Variants in CRACDL observed in about 807,000 individuals in gnomAD.
The protein encoded by CRACDL is CRACD like, also known as CRACD-like protein.
CRACDL carries 26 observed loss-of-function variants against 70.6 expected under a neutral mutation model. The ratio of observed to expected loss-of-function variants is 0.37; its 90% CI spans 0.27 to 0.51. The LOEUF (loss-of-function observed/expected upper bound fraction) is 0.51. CRACDL is among the 20% of genes least tolerant of loss of function. The pLI is 0.94. For synonymous variants in CRACDL, 618 were observed against 615.2 expected (o/e 1.00, Z -0.07); for missense variants, 1,283 against 1,376.9 (o/e 0.93, Z 1.08).
Position 98,802,998 on chromosome 2 carries a change from C to CTTT in CRACDL, c.2417-5464_2417-5462dup, listed in dbSNP as rs34784675. Among the ~76,000 whole-genome samples the CTTT allele has an allele frequency of 3.8e-3, 491 of 128,230 alleles. 8 individuals carry two copies. Among genetic ancestry groups the CTTT allele is most frequent in the African/African-American group, 0.014 (469 of 34,058 alleles). The allele number at this position is 128,230 out of a possible 152,430, so 84.1% of individuals were successfully genotyped here. A position where few individuals can be genotyped will look rare whatever the true frequency, so the allele number is the denominator to read the frequency against. On this transcript the variant is annotated intron_variant, in intron 7 of 9. Transcript: ENST00000397899. Reference sequence around the variant, plus strand: ...TTATGGGTGTGAGCCACATGCCTGGCTTTTTTTTTTTTTTTTTTTGAGATG... The same window carrying CTTT: ...TTATGGGTGTGAGCCACATGCCTGGCTTTTTTTTTTTTTTTTTTTTTTGAGATG...
At chr2:98,799,512 G>A (rs1334381676) in intron 7 of CRACDL, among the ~76,000 whole-genome samples, 2 of 152,114 alleles carry the variant, frequency 1.3e-5, no homozygotes, top group African/African-American at 4.8e-5. Flanking sequence ...TGGGAATCCT[G>A]CTGCACCTCT....
chr2:98,862,199 C>G (rs946969111), intron 1 of CRACDL, among the ~76,000 whole-genome samples: 2 of 152,162 alleles, frequency 1.3e-5, no homozygotes, highest in African/African-American at 4.8e-5. Context: ...CAGGAAAGAT[C>G]TGGGAAGGCC....
At chr2:98,921,649 T>C (rs1489068834) in intron 1 of CRACDL, among the ~76,000 whole-genome samples, 2 of 152,216 alleles carry the variant, frequency 1.3e-5, no homozygotes, top group African/African-American at 4.8e-5. Context: ...AATTCCCACA[T>C]ATCCATCTCT....
chr2:98,809,154 A>G (rs1704447959), intron 7 of CRACDL, among the ~76,000 whole-genome samples: 2 of 152,200 alleles, frequency 1.3e-5, no homozygotes, highest in African/African-American at 4.8e-5. Flanking sequence ...TGACTCCTGA[A>G]TGCAGGGTGT....
At chr2:98,809,541 A>AG (rs887340445) in intron 7 of CRACDL, among the ~76,000 whole-genome samples, 6 of 152,180 alleles carry the variant, frequency 3.9e-5, no homozygotes, top group East Asian at 1.9e-4. Flanking sequence ...ACTCTGCATG[A>AG]GGGAAGTTTC....
At chr2:98,870,574 G>A (rs530180270) in intron 1 of CRACDL, among the ~76,000 whole-genome samples, 2 of 152,210 alleles carry the variant, frequency 1.3e-5, no homozygotes, top group South Asian at 2.1e-4. Flanking sequence ...CTGGGAGGTG[G>A]TGCAGGGGCC....
At chr2:98,874,065 G>A (rs1707419219) in intron 1 of CRACDL, among the ~76,000 whole-genome samples, 1 of 152,222 alleles carries the variant, frequency 6.6e-6, no homozygotes, top group Admixed American at 6.5e-5. Flanking sequence ...GTTCTTTTCA[G>A]CTGCAAAGGC....
At chr2:98,826,102 G>C (rs1305341108) in intron 6 of CRACDL, among the ~76,000 whole-genome samples, 2 of 152,194 alleles carry the variant, frequency 1.3e-5, no homozygotes, top group African/African-American at 4.8e-5. Flanking sequence ...GTAGGGGAGA[G>C]GGAACAACCC....
At chr2:98,818,610 G>A (rs541414247) in intron 7 of CRACDL, among the ~76,000 whole-genome samples, 79 of 152,302 alleles carry the variant, frequency 5.2e-4, no homozygotes, top group Non-Finnish European at 9.1e-4. Flanking sequence ...GAGTGATATT[G>A]TTATTAAAAC....
At chr2:98,795,359 A>G (rs1476027886) in intron 9 of CRACDL, among the ~76,000 whole-genome samples, 1 of 152,088 alleles carries the variant, frequency 6.6e-6, no homozygotes, top group Non-Finnish European at 1.5e-5. Context: ...TACAAGCGTA[A>G]GCCATGGCGT....
chr2:98,855,531 C>T (rs1018002494), intron 1 of CRACDL, among the ~76,000 whole-genome samples: 1 of 151,634 alleles, frequency 6.6e-6, no homozygotes, highest in African/African-American at 2.4e-5. Context: ...AAAAGTTATA[C>T]AAAAGTTATC....
chr2:98,856,328 G>GA (rs1326511316), intron 1 of CRACDL, among the ~76,000 whole-genome samples: 4 of 152,058 alleles, frequency 2.6e-5, no homozygotes, highest in African/African-American at 7.2e-5. Flanking sequence ...AGTACCAAAA[G>GA]AAAAAAATTT....
intron 7 of CRACDL, among the ~76,000 whole-genome samples, chr2:98,811,653 AAC>A (rs1220407059): frequency 6.6e-6 from 1 of 152,114 alleles, no homozygotes; most frequent in African/African-American, 2.4e-5. Flanking sequence ...ACAGAATATC[AAC>A]ACCCTGAAGA....
intron 1 of CRACDL, among the ~76,000 whole-genome samples, chr2:98,910,284 C>T (rs1464549954): frequency 1.3e-5 from 2 of 152,098 alleles, no homozygotes; most frequent in African/African-American, 2.4e-5. Context: ...CTTTGGGAGG[C>T]CAAGGCGGGT....
At chr2:98,898,966 C>T (rs767014204) in intron 1 of CRACDL, among the ~76,000 whole-genome samples, 10 of 152,318 alleles carry the variant, frequency 6.6e-5, no homozygotes, top group Admixed American at 5.9e-4. Context: ...AATTCACAGC[C>T]TCTTTTTGTT....
intron 1 of CRACDL, among the ~76,000 whole-genome samples, chr2:98,903,622 A>G (rs1429809455): frequency 1.3e-5 from 2 of 152,166 alleles, no homozygotes; most frequent in African/African-American, 4.8e-5. Context: ...CAAACACTTA[A>G]ATCAAGGAAT....
At position 98,822,938 on chromosome 2, in the gene CRACDL, C is replaced by T. The variant is rs1166773345; in HGVS notation, c.1335G>A (p.Val445=). ...GGGGCCCCTTCTCCTCATCCGGGAG[C>T]ACGGGCGGCGTCGGCTCCGCTTCCT... is the stretch of plus-strand genomic sequence containing the variant. ...VPKEAEPTPP[V]LPDEEKGPPG... Residue 445 remains valine (V), a synonymous_variant, in exon 7 of 10, where the codon GTG becomes GTA. Coordinates refer to ENST00000397899, the MANE Select transcript of CRACDL (RefSeq NM_207362.3). This position sits in a 1 kb window ranked among gnomAD's most constrained non-coding sequence, Gnocchi z 4.9. 2.1e-6 allele frequency: 3 copies of T among 1,462,452 alleles called. No individual in the cohort carries two copies. The highest frequency in any genetic ancestry group is 2.7e-5 in the East Asian group (1 of 36,922). 90.6% of individuals were successfully genotyped at this position (1,462,452 alleles called of 1,614,324 possible).
intron 1 of CRACDL, among the ~76,000 whole-genome samples, chr2:98,866,970 C>A (rs369240003): frequency 2.6e-5 from 4 of 152,212 alleles, no homozygotes; most frequent in African/African-American, 9.6e-5. Flanking sequence ...CTGGGCTTTG[C>A]AGACCCCTCG....
chr2:98,901,078 T>C (rs1708268456), intron 1 of CRACDL, among the ~76,000 whole-genome samples: 1 of 152,212 alleles, frequency 6.6e-6, no homozygotes, highest in South Asian at 2.1e-4. Context: ...CACGTGGCTC[T>C]GCCAGCCCTG....
Sources: gnomAD v4.1 joint callset for allele counts (sites outside exome capture counted in the v4.1 genomes callset) on GRCh38, gnomAD v4.1.1 for gene constraint, Gnocchi (gnomAD v3.1) non-coding constraint, MANE v1.5 for transcripts, NCBI Gene and HGNC (gene_info 2026-07-23, HGNC 2026-07-21) for gene names.